The following SNTG2 variants were observed in gnomAD, a reference collection of about 807,000 sequenced individuals.
The protein encoded by SNTG2 is gamma-2-syntrophin.
SNTG2 carries 74 observed loss-of-function variants against 70.9 expected under a neutral mutation model. The observed-to-expected ratio is 1.04, with a 90% CI of 0.86 to 1.27. The LOEUF (loss-of-function observed/expected upper bound fraction) is 1.27, where lower values mean the gene tolerates loss of function less well. Ranked by LOEUF, SNTG2 falls within the 50% of genes most tolerant of loss-of-function variation. The pLI is 0.00. For synonymous variants in SNTG2, 278 were observed against 273.8 expected (o/e 1.02, Z -0.15); for missense variants, 717 against 690.7 (o/e 1.04, Z -0.43).
intron 12 of SNTG2, among the ~76,000 whole-genome samples, chr2:1,253,300 C>G (rs1287225604): frequency 6.6e-6 from 1 of 152,006 alleles, no homozygotes; most frequent in African/African-American, 2.4e-5. Flanking sequence ...AAGCCGAGGT[C>G]TCTCTTCCAT....
intron 16 of SNTG2, among the ~76,000 whole-genome samples, chr2:1,354,024 A>T (rs1198318066): frequency 6.6e-6 from 1 of 152,188 alleles, no homozygotes; most frequent in Non-Finnish European, 1.5e-5. Flanking sequence ...ATGGCGTCCT[A>T]AAAGTTTTAC....
chr2:1,150,475 G>A (rs1355290966), intron 6 of SNTG2, among the ~76,000 whole-genome samples: 1 of 152,174 alleles, frequency 6.6e-6, no homozygotes, highest in Non-Finnish European at 1.5e-5. Context: ...ATTGGTGGGT[G>A]ACGTGCAGCC....
chr2:1,236,553 C>T (rs1294260044), intron 9 of SNTG2, among the ~76,000 whole-genome samples: 2 of 152,232 alleles, frequency 1.3e-5, no homozygotes, highest in Non-Finnish European at 2.9e-5. Flanking sequence ...CCTTGTTCAT[C>T]GCCATCAGGC....
chr2:1,321,082 G>A (rs1681499726), intron 16 of SNTG2, among the ~76,000 whole-genome samples: 1 of 152,168 alleles, frequency 6.6e-6, no homozygotes, highest in Non-Finnish European at 1.5e-5. Flanking sequence ...TATACTCACA[G>A]GAGTTTCATC....
intron 9 of SNTG2, among the ~76,000 whole-genome samples, chr2:1,224,098 G>A (rs1465609810): frequency 6.6e-6 from 1 of 152,166 alleles, no homozygotes; most frequent in Non-Finnish European, 1.5e-5. Flanking sequence ...TCTCCCTGCG[G>A]CCTCTTCTGT....
intron 12 of SNTG2, among the ~76,000 whole-genome samples, chr2:1,256,900 G>A (rs905587873): frequency 7.2e-5 from 11 of 152,124 alleles, no homozygotes; most frequent in Non-Finnish European, 1.3e-4. Context: ...TCTGAGCTGA[G>A]TCCTTAAGCC....
chr2:1,083,446 G>A (rs4971430), intron 1 of SNTG2, 72 bp from the exon 2 acceptor site: 911,210 of 1,541,170 alleles, frequency 0.59, 271,206 homozygotes, highest in East Asian at 0.66. Flanking sequence ...AGCAGGAGGC[G>A]TGCGTCACCT....
At chr2:1,194,096 T>C (rs1485185818) in intron 8 of SNTG2, among the ~76,000 whole-genome samples, 1 of 152,220 alleles carries the variant, frequency 6.6e-6, no homozygotes, top group Non-Finnish European at 1.5e-5. Flanking sequence ...CATTAGTGTT[T>C]ATTGTTGGAA....
Position 1,284,428 on chromosome 2 carries a change from G to T in SNTG2, c.1284+16857G>T, listed in dbSNP as rs572161218. On this transcript the variant is annotated intron_variant, in intron 14 of 16. Coordinates refer to ENST00000308624, the MANE Select transcript of SNTG2 (RefSeq NM_018968.4). ...CAGCATTTTTCTGGGATGCGAGCTCGGTGATGGCAGGGAGATTCTGTCTTG... is the reference window on the plus strand; with the variant it reads ...CAGCATTTTTCTGGGATGCGAGCTCTGTGATGGCAGGGAGATTCTGTCTTG... Among the ~76,000 whole-genome samples the T allele has an allele frequency of 9.3e-4, 142 of 152,270 alleles. 2 individuals carry two copies. The highest frequency in any genetic ancestry group is 3.2e-3 in the African/African-American group (133 of 41,554).
At chr2:1,211,257 CAA>C (rs1370892054) in intron 9 of SNTG2, among the ~76,000 whole-genome samples, 4 of 152,188 alleles carry the variant, frequency 2.6e-5, no homozygotes, top group Admixed American at 1.3e-4. Context: ...TCTCTCTTGA[CAA>C]AGAGGGAAAT....
intron 8 of SNTG2, among the ~76,000 whole-genome samples, chr2:1,190,372 T>A (rs1672507143): frequency 6.6e-6 from 1 of 151,470 alleles, no homozygotes; most frequent in Non-Finnish European, 1.5e-5. Context: ...TATTTTTCTA[T>A]TCTATATATT....
intron 16 of SNTG2, among the ~76,000 whole-genome samples, chr2:1,352,150 C>A (rs1225830943): frequency 8.5e-5 from 13 of 152,328 alleles, no homozygotes; most frequent in Non-Finnish European, 1.5e-5. Context: ...ACCTCTTCCA[C>A]CCACACCATG....
intron 16 of SNTG2, among the ~76,000 whole-genome samples, chr2:1,333,826 A>G (rs1350462837): frequency 1.3e-5 from 2 of 152,242 alleles, no homozygotes; most frequent in African/African-American, 4.8e-5. Context: ...ACCTGAAACT[A>G]TAAAAATTCT....
At chr2:999,248 G>A (rs908890285) in intron 1 of SNTG2, among the ~76,000 whole-genome samples, 1 of 151,872 alleles carries the variant, frequency 6.6e-6, no homozygotes, top group East Asian at 1.9e-4. Context: ...AAGCAACTAG[G>A]GAACAATTAA....
intron 1 of SNTG2, among the ~76,000 whole-genome samples, chr2:969,350 CT>C (rs758376669): frequency 6.6e-6 from 1 of 150,592 alleles, no homozygotes; most frequent in Admixed American, 6.7e-5. Context: ...TATTCAAGCT[CT>C]TTTTTTGTGC....
At chr2:1,011,604 G>A (rs1338793320) in intron 1 of SNTG2, among the ~76,000 whole-genome samples, 1 of 152,010 alleles carries the variant, frequency 6.6e-6, no homozygotes, top group African/African-American at 2.4e-5. Flanking sequence ...TTGTGATGTT[G>A]CTATTTCTGA....
At chr2:1,195,387 T>C (rs1304354679) in intron 8 of SNTG2, among the ~76,000 whole-genome samples, 2 of 152,172 alleles carry the variant, frequency 1.3e-5, no homozygotes, top group Non-Finnish European at 2.9e-5. Flanking sequence ...CTCCAGCATC[T>C]GTTGTTTCCT....
chr2:1,259,884 G>T (rs528674298), intron 13 of SNTG2, among the ~76,000 whole-genome samples: 2 of 152,154 alleles, frequency 1.3e-5, no homozygotes, highest in African/African-American at 2.4e-5. Context: ...CTTCCTCCAG[G>T]GGACACACCT....
At chr2:1,231,092 AATGAC>A (rs1676205941) in intron 9 of SNTG2, among the ~76,000 whole-genome samples, 11 of 149,176 alleles carry the variant, frequency 7.4e-5, no homozygotes, top group African/African-American at 2.8e-4. Flanking sequence ...TACTTAGGAT[AATGAC>A]AGTGCCTCTT....
Sources: allele counts gnomAD v4.1 joint callset (sites outside exome capture counted in the v4.1 genomes callset), GRCh38; gene constraint gnomAD v4.1.1; transcripts MANE v1.5; gene names NCBI Gene and HGNC (gene_info 2026-07-23, HGNC 2026-07-21).